LDB2: variants seen among roughly 807,000 people sequenced by gnomAD.
LDB2 encodes LIM domain-binding protein 2.
LDB2 carries 12 observed loss-of-function variants against 44.3 expected under a neutral mutation model. The ratio of observed to expected loss-of-function variants is 0.27; its 90% CI spans 0.17 to 0.44. The LOEUF (loss-of-function observed/expected upper bound fraction) is 0.44. LDB2 is among the 20% of genes least tolerant of loss of function. The pLI is 1.00. For missense variants in LDB2, 344 were observed against 473.5 expected (o/e 0.73, Z 2.54); for synonymous variants, 164 against 174.8 (o/e 0.94, Z 0.49).
At chr4:16,837,964 G>A (rs920624997) in intron 1 of LDB2, among the ~76,000 whole-genome samples, 3 of 152,222 alleles carry the variant, frequency 2.0e-5, no homozygotes. Context: ...TTGTACATGA[G>A]ACTGTGGTAT....
At chr4:16,623,255 G>T (rs1003829674) in intron 2 of LDB2, among the ~76,000 whole-genome samples, 1 of 152,178 alleles carries the variant, frequency 6.6e-6, no homozygotes, top group African/African-American at 2.4e-5. Context: ...AAGACAAAAT[G>T]TTCTGCAAAG....
At chr4:16,832,989 C>T (rs891637198) in intron 1 of LDB2, among the ~76,000 whole-genome samples, 3 of 152,168 alleles carry the variant, frequency 2.0e-5, no homozygotes, top group Admixed American at 6.6e-5. Context: ...TTGAATATTC[C>T]TATTTTACTC....
At chr4:16,868,832 G>A (rs535383475) in intron 1 of LDB2, among the ~76,000 whole-genome samples, 23 of 152,114 alleles carry the variant, frequency 1.5e-4, no homozygotes, top group Non-Finnish European at 3.2e-4. Context: ...CATGGTGTTG[G>A]TAATGATGTT....
At chr4:16,771,578 C>G (rs936942017) in intron 1 of LDB2, among the ~76,000 whole-genome samples, 20 of 152,280 alleles carry the variant, frequency 1.3e-4, no homozygotes, top group African/African-American at 4.8e-4. Context: ...TCTTCTCATT[C>G]TCTTCCATCT....
At chr4:16,658,785 T>C (rs576370817) in intron 2 of LDB2, among the ~76,000 whole-genome samples, 21 of 152,300 alleles carry the variant, frequency 1.4e-4, no homozygotes, top group Non-Finnish European at 1.3e-4. Context: ...CCATGTTCCA[T>C]GTCCTTGCAT....
intron 2 of LDB2, among the ~76,000 whole-genome samples, chr4:16,742,302 C>A (rs1408081868): frequency 1.3e-5 from 2 of 152,100 alleles, no homozygotes; most frequent in Non-Finnish European, 2.9e-5. Flanking sequence ...GAACTCCTGA[C>A]CTTGTGATCC....
intron 5 of LDB2, among the ~76,000 whole-genome samples, chr4:16,540,771 A>AG (rs1733489067): frequency 6.6e-6 from 1 of 152,190 alleles, no homozygotes; most frequent in Non-Finnish European, 1.5e-5. Context: ...TGAGGACCCC[A>AG]AGTCAGGTTT....
intron 2 of LDB2, among the ~76,000 whole-genome samples, chr4:16,683,741 T>C (rs989771325): frequency 1.3e-5 from 2 of 152,198 alleles, no homozygotes; most frequent in Non-Finnish European, 2.9e-5. Context: ...TAGATGAACC[T>C]TCAAGGCTCA....
At chr4:16,611,639 G>A (rs560066834) in intron 2 of LDB2, among the ~76,000 whole-genome samples, 43 of 152,018 alleles carry the variant, frequency 2.8e-4, no homozygotes, top group African/African-American at 7.0e-4. Flanking sequence ...AGTGGTAAAC[G>A]GAGCAATTCA....
chr4:16,552,287 A>C (rs568648757), intron 5 of LDB2, among the ~76,000 whole-genome samples: 1 of 152,312 alleles, frequency 6.6e-6, no homozygotes, highest in Non-Finnish European at 1.5e-5. Context: ...GTGTGTACAA[A>C]GCATTAAAAA....
At chr4:16,625,775 A>G (rs2152487196) in intron 2 of LDB2, among the ~76,000 whole-genome samples, 1 of 152,270 alleles carries the variant, frequency 6.6e-6, no homozygotes, top group East Asian at 1.9e-4. Flanking sequence ...GTGATGGAAA[A>G]GCACTTCTTG....
chr4:16,541,129 G>A (rs1733615744), intron 5 of LDB2, among the ~76,000 whole-genome samples: 1 of 152,240 alleles, frequency 6.6e-6, no homozygotes, highest in South Asian at 2.1e-4. Flanking sequence ...GAAATGGTTT[G>A]GATATATGTC....
At chr4:16,821,771 T>TAAAAAA (rs1782119787) in intron 1 of LDB2, among the ~76,000 whole-genome samples, 1 of 33,340 alleles carries the variant, frequency 3.0e-5, no homozygotes, top group Non-Finnish European at 6.8e-5. Flanking sequence ...AAAAAAAAAA[T>TAAAAAA]CAGGAATTTA....
rs1031429229 is a variant in LDB2, at chr4:16,508,714, C to T, written c.740-28G>A. ...GCAATATGGAAAAGGGAAGAGGGAT[C>T]AGTTCTAGGGCAAAAGCAACAAGGC... On this transcript the variant is annotated intron_variant, in intron 6 of 7. Transcript: ENST00000304523. 5 of 1,609,756 alleles carry T rather than the reference C, an allele frequency of 3.1e-6. No homozygotes were observed. The Admixed American group carries it at 6.7e-5, about 22-fold the overall frequency.
At chr4:16,821,233 A>G (rs796220516) in intron 1 of LDB2, among the ~76,000 whole-genome samples, 9 of 152,356 alleles carry the variant, frequency 5.9e-5, no homozygotes, top group African/African-American at 1.9e-4. Flanking sequence ...AGCAATTAAC[A>G]TAAAGGAAGC....
intron 2 of LDB2, among the ~76,000 whole-genome samples, chr4:16,613,141 G>A (rs893242751): frequency 6.6e-6 from 1 of 152,110 alleles, no homozygotes; most frequent in African/African-American, 2.4e-5. Flanking sequence ...TGCAGAAAAG[G>A]CCTTTGGTAA....
In LDB2 at chr4:16,502,587, G is replaced by T; in HGVS notation, c.*56C>A. On this transcript the variant is annotated 3_prime_UTR_variant, in exon 8 of 8. Coordinates refer to ENST00000304523, the MANE Select transcript of LDB2 (RefSeq NM_001290.5). ...TTTCCTCTCCTGTAAGTAAAGATTT[G>T]CAATTGTAATGATCACCCACGGGCC... 1 of 1,590,064 alleles carries T rather than the reference G, an allele frequency of 6.3e-7. No individual in the cohort carries two copies. Among genetic ancestry groups the T allele is most frequent in the Non-Finnish European group, 8.6e-7 (1 of 1,160,434 alleles).
intron 2 of LDB2, among the ~76,000 whole-genome samples, chr4:16,614,931 G>C (rs1369244795): frequency 1.3e-5 from 2 of 150,170 alleles, no homozygotes; most frequent in Admixed American, 1.3e-4. Context: ...TTAGCCGGGC[G>C]TAGTGGCGGG....
intron 2 of LDB2, among the ~76,000 whole-genome samples, chr4:16,612,677 C>G (rs1297499657): frequency 6.6e-6 from 1 of 152,108 alleles, no homozygotes; most frequent in Non-Finnish European, 1.5e-5. Context: ...CCTGAATAGA[C>G]CAATAACAAG....
Sources: allele counts gnomAD v4.1 joint callset (sites outside exome capture counted in the v4.1 genomes callset), GRCh38; gene constraint gnomAD v4.1.1; transcripts MANE v1.5; gene names NCBI Gene and HGNC (gene_info 2026-07-23, HGNC 2026-07-21).